The following QKI variants were observed in gnomAD, a reference collection of about 807,000 sequenced individuals.
QKI encodes QKI, KH domain containing RNA binding.
QKI carries 10 observed loss-of-function variants against 39.0 expected under a neutral mutation model. The ratio of observed to expected loss-of-function variants is 0.26; its 90% CI spans 0.16 to 0.43. QKI has a LOEUF of 0.43. Ranked by LOEUF, QKI falls within the 20% of genes least tolerant of loss-of-function variation. The pLI, the probability that QKI is intolerant of heterozygous loss-of-function variation, is 1.00. For synonymous variants in QKI, 204 were observed against 155.4 expected (o/e 1.31, Z -2.33); for missense variants, 218 against 428.0 (o/e 0.51, Z 4.33).
intron 2 of QKI, among the ~76,000 whole-genome samples, chr6:163,472,470 C>G (rs1190554519): frequency 2.0e-5 from 3 of 151,944 alleles, no homozygotes; most frequent in Non-Finnish European, 4.4e-5. Context: ...GTAAGTAGAC[C>G]CACATAGTTC....
chr6:163,456,482 A>G (rs1790925052), intron 2 of QKI, among the ~76,000 whole-genome samples: 1 of 152,190 alleles, frequency 6.6e-6, no homozygotes, highest in Non-Finnish European at 1.5e-5. Flanking sequence ...AAAGCAGATG[A>G]AAAAAGGAGT....
chr6:163,495,006 C>G (rs908562640), intron 3 of QKI, among the ~76,000 whole-genome samples: 2 of 151,936 alleles, frequency 1.3e-5, no homozygotes, highest in African/African-American at 2.4e-5. Context: ...ACCTCTGCCT[C>G]CTGGGTTCAG....
At chr6:163,512,144 C>T (rs1052516283) in intron 3 of QKI, among the ~76,000 whole-genome samples, 17 of 151,984 alleles carry the variant, frequency 1.1e-4, no homozygotes, top group African/African-American at 4.1e-4. Context: ...AAATTCAATA[C>T]ACAAAAATGA....
intron 3 of QKI, among the ~76,000 whole-genome samples, chr6:163,524,443 C>A (rs1230737044): frequency 6.6e-6 from 1 of 151,964 alleles, no homozygotes; most frequent in Admixed American, 6.6e-5. Flanking sequence ...GTCATCCCTT[C>A]CCAGTATTTC....
intron 3 of QKI, among the ~76,000 whole-genome samples, chr6:163,496,469 TTAAC>T (rs1423323794): frequency 3.3e-5 from 5 of 152,200 alleles, no homozygotes; most frequent in Admixed American, 1.3e-4. Context: ...TGGCTTGAGT[TTAAC>T]TACTACATTG....
intron 3 of QKI, among the ~76,000 whole-genome samples, chr6:163,503,415 T>A (rs1778903745): frequency 6.6e-6 from 1 of 151,888 alleles, no homozygotes; most frequent in Non-Finnish European, 1.5e-5. Flanking sequence ...TTTAATGGAG[T>A]CGTTTTTTTG....
At chr6:163,422,468 C>T (rs769849150) in intron 1 of QKI, among the ~76,000 whole-genome samples, 12 of 152,086 alleles carry the variant, frequency 7.9e-5, no homozygotes, top group Non-Finnish European at 1.3e-4. Context: ...TGGTGTGTGC[C>T]TGTAGTCCCA....
chr6:163,490,945 T>C (rs184127246), intron 3 of QKI, among the ~76,000 whole-genome samples: 6 of 152,216 alleles, frequency 3.9e-5, no homozygotes, highest in Non-Finnish European at 5.9e-5. Context: ...CTCTTAAACT[T>C]TAGAGACTTT....
At chr6:163,440,079 A>G (rs578112093) in intron 1 of QKI, among the ~76,000 whole-genome samples, 64 of 152,098 alleles carry the variant, frequency 4.2e-4, no homozygotes, top group Non-Finnish European at 6.8e-4. Context: ...CTCATTGTAT[A>G]TGTCTCTACT....
At chr6:163,451,647 G>A (rs1042823242) in intron 1 of QKI, among the ~76,000 whole-genome samples, 1 of 152,170 alleles carries the variant, frequency 6.6e-6, no homozygotes, top group Non-Finnish European at 1.5e-5. Flanking sequence ...CATGTTGGGA[G>A]ATTTTTTGTA....
chr6:163,505,783 G>A (rs1408962006), intron 3 of QKI, among the ~76,000 whole-genome samples: 1 of 152,166 alleles, frequency 6.6e-6, no homozygotes, highest in Admixed American at 6.6e-5. Context: ...ATGCTGGAAT[G>A]AGTTAAGACT....
intron 3 of QKI, among the ~76,000 whole-genome samples, chr6:163,506,089 A>G (rs991904077): frequency 6.6e-6 from 1 of 151,692 alleles, no homozygotes; most frequent in African/African-American, 2.4e-5. Flanking sequence ...CACCTTGTGA[A>G]GAAGGTGCTC....
chr6:163,439,802 A>G (rs1228495020), intron 1 of QKI, among the ~76,000 whole-genome samples: 1 of 151,760 alleles, frequency 6.6e-6, no homozygotes, highest in East Asian at 1.9e-4. Flanking sequence ...AGTGTGTGCC[A>G]CCACGCCCAG....
intron 1 of QKI, among the ~76,000 whole-genome samples, chr6:163,417,773 G>A (rs1787646231): frequency 6.6e-6 from 1 of 152,136 alleles, no homozygotes; most frequent in Admixed American, 6.5e-5. Flanking sequence ...ATTCCCCAGT[G>A]TAAAGATTGC....
chr6:163,439,554 G>A (rs1397141999), intron 1 of QKI, among the ~76,000 whole-genome samples: 6 of 150,708 alleles, frequency 4.0e-5, no homozygotes, highest in African/African-American at 7.3e-5. Context: ...GGGTTTCACC[G>A]TGTTGGCCAG....
intron 1 of QKI, among the ~76,000 whole-genome samples, chr6:163,436,862 T>G (rs1314206631): frequency 6.7e-6 from 1 of 148,812 alleles, no homozygotes; most frequent in Non-Finnish European, 1.5e-5. Context: ...CAAGAACCAG[T>G]AAATTGTATA....
At chr6:163,565,898 AAGTCTTC>A (rs1488583992) in intron 6 of QKI, 1 of 1,612,112 alleles carries the variant, frequency 6.2e-7, no homozygotes. Context: ...TATTAGCATC[AAGTCTTC>A]ATTGATGACT....
intron 4 of QKI, among the ~76,000 whole-genome samples, chr6:163,560,110 A>G (rs1782902349): frequency 6.6e-6 from 1 of 152,166 alleles, no homozygotes; most frequent in South Asian, 2.1e-4. Flanking sequence ...CCAGTCACTT[A>G]TAAGTTCTAG....
chr6:163,567,307 T>C (rs1264482116), intron 7 of QKI: 4 of 985,768 alleles, frequency 4.1e-6, no homozygotes, highest in Non-Finnish European at 4.8e-6. Context: ...GGTGCACATG[T>C]CAAGTACTTA....
Sources: allele counts gnomAD v4.1 joint callset (sites outside exome capture counted in the v4.1 genomes callset), GRCh38; gene constraint gnomAD v4.1.1; transcripts MANE v1.5; gene names NCBI Gene and HGNC (gene_info 2026-07-23, HGNC 2026-07-21).